The following SLAMF6 variants were observed in gnomAD, a reference collection of about 807,000 sequenced individuals.
SLAMF6 encodes the protein SLAM family member 6.
SLAMF6 carries 21 observed loss-of-function variants against 38.3 expected under a neutral mutation model. The ratio of observed to expected loss-of-function variants is 0.55; its 90% confidence interval spans 0.39 to 0.79. SLAMF6 has a LOEUF of 0.79. Among genes scored for constraint, SLAMF6 ranks in the 30% least tolerant of loss-of-function variants. The probability of loss-of-function intolerance (pLI) is 0.00; values close to 1 mark genes in which losing one functional copy is unlikely to be tolerated. For synonymous variants in SLAMF6, 152 were observed against 146.3 expected (o/e 1.04, Z -0.28); for missense variants, 341 against 385.3 (o/e 0.89, Z 0.96).
chr1:160,491,413 C>A lies in SLAMF6; in HGVS notation c.383-25G>T, dbSNP rs202068233. On this transcript the variant is annotated intron_variant, in intron 2 of 7. Transcript: ENST00000368057. ...CCTGTTTGCAGAAAAAAAAAAGATCCAGATTAAGGACAAATGTCTTGGCTC... is the reference window on the plus strand; with the variant it reads ...CCTGTTTGCAGAAAAAAAAAAGATCAAGATTAAGGACAAATGTCTTGGCTC... 42 of 1,599,546 alleles carry A rather than the reference C, an allele frequency of 2.6e-5. No homozygotes were observed. The African/African-American group carries it at 4.2e-4, about 16-fold the overall frequency.
At chr1:160,509,769 C>G (rs1654380635) in intron 1 of SLAMF6, among the ~76,000 whole-genome samples, 1 of 151,892 alleles carries the variant, frequency 6.6e-6, no homozygotes, top group South Asian at 2.1e-4. Flanking sequence ...AGATAAATAA[C>G]ATAGAGAATA....
intron 5 of SLAMF6, among the ~76,000 whole-genome samples, chr1:160,489,932 T>G (rs1653189811): frequency 6.6e-6 from 1 of 152,204 alleles, no homozygotes; most frequent in African/African-American, 2.4e-5. Context: ...TCCCTTTCAC[T>G]GGGACTTAGT....
chr1:160,487,615 G>A (rs1041005065), intron 6 of SLAMF6, among the ~76,000 whole-genome samples: 1 of 152,130 alleles, frequency 6.6e-6, no homozygotes, highest in Non-Finnish European at 1.5e-5. Context: ...TAACTGCCTT[G>A]TCATCATGTC....
intron 2 of SLAMF6, among the ~76,000 whole-genome samples, chr1:160,495,587 T>C (rs1653531811): frequency 6.6e-6 from 1 of 152,202 alleles, no homozygotes; most frequent in Admixed American, 6.5e-5. Flanking sequence ...CTCTACTGGG[T>C]CAGACTAGCC....
chr1:160,510,939 C>T (rs1269561992), intron 1 of SLAMF6, among the ~76,000 whole-genome samples: 2 of 152,096 alleles, frequency 1.3e-5, no homozygotes, highest in Non-Finnish European at 2.9e-5. Context: ...TACACACTAG[C>T]AATGAACAAT....
chr1:160,488,188 A>G (rs1653072292), intron 6 of SLAMF6, among the ~76,000 whole-genome samples: 1 of 151,730 alleles, frequency 6.6e-6, no homozygotes, highest in Non-Finnish European at 1.5e-5. Context: ...TTTGCTAAAG[A>G]GAAAGCTAAC....
At chr1:160,503,862 T>C (rs989654277) in intron 1 of SLAMF6, among the ~76,000 whole-genome samples, 8 of 151,688 alleles carry the variant, frequency 5.3e-5, no homozygotes, top group Non-Finnish European at 7.4e-5. Flanking sequence ...TGAAACCCTG[T>C]CTCTACTGAA....
chr1:160,521,988 A>G (rs957524371), intron 1 of SLAMF6, among the ~76,000 whole-genome samples: 11 of 152,082 alleles, frequency 7.2e-5, no homozygotes, highest in African/African-American at 2.2e-4. Flanking sequence ...TGCTTTGTTC[A>G]TGATGTATTC....
chr1:160,486,816 A>G, intron 7 of SLAMF6, 62 bp from the exon 8 acceptor site: 6 of 1,569,880 alleles, frequency 3.8e-6, no homozygotes, highest in East Asian at 2.2e-5. Context: ...CCCACCCCTC[A>G]TAACTACAGA....
intron 1 of SLAMF6, among the ~76,000 whole-genome samples, chr1:160,501,603 A>G (rs1653897151): frequency 6.6e-6 from 1 of 152,136 alleles, no homozygotes; most frequent in South Asian, 2.1e-4. Flanking sequence ...TTGTCAGGGA[A>G]CAGTTCACAG....
intron 1 of SLAMF6, among the ~76,000 whole-genome samples, chr1:160,500,957 T>G (rs1386429873): frequency 6.6e-6 from 1 of 152,172 alleles, no homozygotes; most frequent in East Asian, 1.9e-4. Flanking sequence ...TGTAACAAGA[T>G]TTTATCTATG....
intron 1 of SLAMF6, among the ~76,000 whole-genome samples, chr1:160,499,542 GC>G (rs2102033663): frequency 6.6e-6 from 1 of 152,226 alleles, no homozygotes; most frequent in South Asian, 2.1e-4. Context: ...GACTATTTGG[GC>G]TCTTTTTTTG....
chr1:160,496,445 C>T, intron 1 of SLAMF6, 52 bp from the exon 2 acceptor site: 1 of 1,565,782 alleles, frequency 6.4e-7, no homozygotes, highest in Non-Finnish European at 8.7e-7. Context: ...ATCTCCCTGC[C>T]AAGTCCTGCA....
Position 160,490,611 on chromosome 1 carries a change from T to G in SLAMF6, c.721A>C (p.Ile241Leu), listed in dbSNP as rs371435957. ...CTCAAAACAAGTAACAGCAGTATGATGAAACCGAAGACTATGCATATCCCA... is the reference window on the plus strand; with the variant it reads ...CTCAAAACAAGTAACAGCAGTATGAGGAAACCGAAGACTATGCATATCCCA... ...VSGICIVFGF[I>L]ILLLLVLRKR... Residue 241 changes from isoleucine (I) to leucine (L), a missense_variant, in exon 4 of 8, where the codon ATC (isoleucine) becomes CTC (leucine). Ile to Leu is a conservative substitution (Grantham distance 5). Coordinates refer to ENST00000368057, the MANE Select transcript of SLAMF6 (RefSeq NM_001184714.2). The G allele has an allele frequency of 5.6e-6, 9 of 1,613,828 alleles. No individual in the cohort carries two copies. In the African/African-American group the frequency reaches 1.2e-4, roughly 22 times the overall value.
Position 160,491,073 on chromosome 1 carries a change from G to A in SLAMF6, c.646+52C>T, listed in dbSNP as rs774094541. The A allele has an allele frequency of 1.6e-5, 25 of 1,597,558 alleles. No homozygotes were observed. In the South Asian group the frequency reaches 1.9e-4, roughly 12 times the overall value. ...TGGAAATTACGTAGGATGTGAGGAC[G>A]CGTTAAACCCCATAGCTGCTCAAGG... On this transcript the variant is annotated intron_variant, in intron 3 of 7. Transcript: ENST00000368057.
At chr1:160,513,191 A>G (rs901609923) in intron 1 of SLAMF6, among the ~76,000 whole-genome samples, 8 of 152,218 alleles carry the variant, frequency 5.3e-5, no homozygotes, top group African/African-American at 1.9e-4. Context: ...GAACTGAAAA[A>G]CACAACATGA....
intron 1 of SLAMF6, among the ~76,000 whole-genome samples, chr1:160,518,095 T>G (rs1654826569): frequency 1.3e-5 from 2 of 151,838 alleles, no homozygotes; most frequent in African/African-American, 4.8e-5. Context: ...TCCATTAAAC[T>G]TACTCTTCAG....
At chr1:160,519,225 C>T (rs1232365245) in intron 1 of SLAMF6, among the ~76,000 whole-genome samples, 1 of 152,130 alleles carries the variant, frequency 6.6e-6, no homozygotes, top group Non-Finnish European at 1.5e-5. Flanking sequence ...AATCATTTGT[C>T]ATTGGGAAAA....
chr1:160,498,972 G>A (rs1368148675), intron 1 of SLAMF6, among the ~76,000 whole-genome samples: 11 of 152,034 alleles, frequency 7.2e-5, no homozygotes, highest in Non-Finnish European at 1.5e-5. Context: ...CCTTATGTTG[G>A]GTACATAGTT....
Sources: gnomAD v4.1 joint callset for allele counts (sites outside exome capture counted in the v4.1 genomes callset) on GRCh38, gnomAD v4.1.1 for gene constraint, MANE v1.5 for transcripts, NCBI Gene and HGNC (gene_info 2026-07-23, HGNC 2026-07-21) for gene names.